Variants in USP7 observed in about 807,000 individuals in gnomAD.
USP7 encodes the protein ubiquitin specific peptidase 7.
In USP7, 9 loss-of-function variants were observed where a neutral mutation model predicts 162.9. The observed-to-expected ratio is 0.06, with a 90% CI of 0.03 to 0.10. The LOEUF (loss-of-function observed/expected upper bound fraction) is 0.10, where lower values mean the gene tolerates loss of function less well. USP7 is among the 10% of genes least tolerant of loss of function. The pLI, the probability that USP7 is intolerant of heterozygous loss-of-function variation, is 1.00. For missense variants in USP7, 715 were observed against 1,373.7 expected, an observed-to-expected ratio of 0.52 and a Z score of 7.58; for synonymous variants, 562 against 475.9, an observed-to-expected ratio of 1.18 and a Z score of -2.35.
intron 13 of USP7, among the ~76,000 whole-genome samples, chr16:8,905,618 C>T (rs972202661): frequency 2.6e-5 from 4 of 152,188 alleles, no homozygotes; most frequent in African/African-American, 9.7e-5. Flanking sequence ...CTGAAATAGC[C>T]CATTTTCCAC....
intron 1 of USP7, among the ~76,000 whole-genome samples, chr16:8,947,939 T>C (rs971874467): frequency 1.4e-4 from 22 of 152,144 alleles, no homozygotes; most frequent in African/African-American, 5.1e-4. Flanking sequence ...TGGGGATTTC[T>C]CTGTCTCCAG....
chr16:8,948,298 T>G (rs1052422740), intron 1 of USP7, among the ~76,000 whole-genome samples: 1 of 152,162 alleles, frequency 6.6e-6, no homozygotes, highest in African/African-American at 2.4e-5. Flanking sequence ...TCCTCCCACC[T>G]CAGCCTCCAG....
At chr16:8,895,960 C>T (rs1171785748) in intron 26 of USP7, among the ~76,000 whole-genome samples, 1 of 151,732 alleles carries the variant, frequency 6.6e-6, no homozygotes, top group African/African-American at 2.4e-5. Flanking sequence ...CCTCAGCCTC[C>T]CGAGTAGTTG....
At position 8,905,134 on chromosome 16, in the gene USP7, A is replaced by G. The variant is rs897953198; in HGVS notation, c.1573+53T>C. ...AAAGGATATTGGAGATTCATGGTAC[A>G]AATGTCCAAGTCCACCACAGTAAAG... On this transcript the variant is annotated intron_variant, in intron 14 of 30. Transcript: ENST00000344836. 3 of 1,586,688 alleles carry G rather than the reference A, an allele frequency of 1.9e-6. No homozygotes were observed. In the African/African-American group the frequency reaches 4.0e-5, roughly 21 times the overall value.
intron 11 of USP7, among the ~76,000 whole-genome samples, chr16:8,909,297 T>A (rs2061906738): frequency 6.6e-6 from 1 of 152,092 alleles, no homozygotes; most frequent in African/African-American, 2.4e-5. Context: ...TGGCTGGAAA[T>A]CCACCTGCCC....
At chr16:8,952,702 C>T (rs751143265) in intron 1 of USP7, among the ~76,000 whole-genome samples, 1 of 152,152 alleles carries the variant, frequency 6.6e-6, no homozygotes, top group Non-Finnish European at 1.5e-5. Flanking sequence ...CAGGTTTCAG[C>T]GATTAGGACA....
At chr16:8,958,632 C>T (rs974179630) in intron 1 of USP7, among the ~76,000 whole-genome samples, 12 of 152,172 alleles carry the variant, frequency 7.9e-5, no homozygotes, top group Non-Finnish European at 1.5e-4. Context: ...AGTTCAAAGC[C>T]GACTCCCAAC....
intron 3 of USP7, among the ~76,000 whole-genome samples, chr16:8,922,833 T>G (rs1026618209): frequency 1.3e-5 from 2 of 152,234 alleles, no homozygotes; most frequent in African/African-American, 4.8e-5. Flanking sequence ...AAGTATGTTT[T>G]ACTTGTACTT....
intron 10 of USP7, among the ~76,000 whole-genome samples, chr16:8,911,628 A>C (rs1019134034): frequency 6.6e-6 from 1 of 152,232 alleles, no homozygotes; most frequent in Non-Finnish European, 1.5e-5. Flanking sequence ...AGCTCTGCTG[A>C]AAGTTTACAG....
At chr16:8,930,627 A>G (rs531656065) in intron 1 of USP7, among the ~76,000 whole-genome samples, 2 of 152,238 alleles carry the variant, frequency 1.3e-5, no homozygotes, top group East Asian at 3.9e-4. Context: ...ACCACACTAT[A>G]ATTTGCTTTA....
chr16:8,950,861 C>A (rs1421245149), intron 1 of USP7, among the ~76,000 whole-genome samples: 1 of 152,208 alleles, frequency 6.6e-6, no homozygotes, highest in African/African-American at 2.4e-5. Context: ...CGCACACAGT[C>A]ACTCCTGACC....
intron 1 of USP7, among the ~76,000 whole-genome samples, chr16:8,940,595 C>G (rs938994601): frequency 2.7e-4 from 41 of 152,206 alleles, no homozygotes; most frequent in Non-Finnish European, 4.3e-4. Context: ...TGTAAGCTCC[C>G]GAGGCATCCA....
At chr16:8,895,846 T>C in intron 26 of USP7, 105 bp from the exon 27 acceptor site, 2 of 824,270 alleles carry the variant, frequency 2.4e-6, no homozygotes, top group South Asian at 1.8e-5. Flanking sequence ...TATGTTTTTT[T>C]TTTTTTTTTT....
Position 8,893,285 on chromosome 16 carries a change from A to G in USP7, c.*713T>C, listed in dbSNP as rs2061629210. Reference sequence around the variant, plus strand: ...AACTGTTGAGATCGTAAGTCTGCCAAGGCAGCAGAGTAAACCTTAATTGAA... The same window carrying G: ...AACTGTTGAGATCGTAAGTCTGCCAGGGCAGCAGAGTAAACCTTAATTGAA... On this transcript the variant is annotated 3_prime_UTR_variant, in exon 31 of 31. Transcript: ENST00000344836. 6.6e-6 allele frequency: 1 copy of G among 152,270 alleles called. No individual in the cohort carries two copies. Among genetic ancestry groups the G allele is most frequent in the Non-Finnish European group, 1.5e-5 (1 of 68,080 alleles). The allele number at this position is 152,270 out of a possible 1,614,324, so 9.4% of individuals were successfully genotyped here. A position where few individuals can be genotyped will look rare whatever the true frequency, so the allele number is the denominator to read the frequency against.
intron 1 of USP7, among the ~76,000 whole-genome samples, chr16:8,936,190 C>T (rs1049054006): frequency 6.6e-6 from 1 of 152,182 alleles, no homozygotes; most frequent in African/African-American, 2.4e-5. Context: ...CCCCCCAGAT[C>T]CTTCCACTAG....
intron 2 of USP7, 95 bp downstream of exon 2, chr16:8,930,197 AC>A: frequency 1.1e-6 from 1 of 916,130 alleles, no homozygotes. Context: ...GCTCAGAAGT[AC>A]CCAAGGATGT....
chr16:8,902,349 T>C, intron 17 of USP7, 32 bp downstream of exon 17: 3 of 1,610,272 alleles, frequency 1.9e-6, no homozygotes, highest in Non-Finnish European at 2.5e-6. Context: ...TCTGCACGGT[T>C]CCAAACCAGA....
chr16:8,943,734 T>G (rs1899153478), intron 1 of USP7, among the ~76,000 whole-genome samples: 1 of 152,190 alleles, frequency 6.6e-6, no homozygotes, highest in African/African-American at 2.4e-5. Flanking sequence ...CAATATGTAT[T>G]AAAATCAAAA....
intron 1 of USP7, among the ~76,000 whole-genome samples, chr16:8,938,899 T>C (rs1466403334): frequency 1.3e-5 from 2 of 152,204 alleles, no homozygotes; most frequent in African/African-American, 4.8e-5. Context: ...ATGCAAATAC[T>C]ACACTGTTTT....
Sources: allele counts gnomAD v4.1 joint callset (sites outside exome capture counted in the v4.1 genomes callset), GRCh38; gene constraint gnomAD v4.1.1; transcripts MANE v1.5; gene names NCBI Gene and HGNC (gene_info 2026-07-23, HGNC 2026-07-21).